Variants in WTIP observed in about 807,000 individuals in gnomAD.
WTIP encodes WT1 interacting protein, also known as Wilms tumor protein 1-interacting protein.
Under a neutral mutation model 41.7 loss-of-function variants are expected in WTIP, and 23 were observed. The ratio of observed to expected loss-of-function variants is 0.55; its 90% confidence interval spans 0.40 to 0.78. The LOEUF (loss-of-function observed/expected upper bound fraction) is 0.78. WTIP is among the 30% of genes least tolerant of loss of function. The pLI is 0.00. For synonymous variants in WTIP, 314 were observed against 269.9 expected (o/e 1.16, Z -1.60); for missense variants, 619 against 610.5 (o/e 1.01, Z -0.15).
chr19:34,485,296 T>C (rs1245076478), intron 1 of WTIP, among the ~76,000 whole-genome samples: 1 of 152,162 alleles, frequency 6.6e-6, no homozygotes, highest in Non-Finnish European at 1.5e-5. Context: ...TTGGCCAGGC[T>C]TGTCTCGAGT....
Position 34,495,659 on chromosome 19 carries a change from G to A in WTIP, c.1084-44G>A, listed in dbSNP as rs543389557. 7.5e-6 allele frequency: 12 copies of A among 1,610,312 alleles called. No individual in the cohort carries two copies. The Admixed American group carries it at 1.0e-4, about 13-fold the overall frequency. ...TGTACACTCACGCAGTTTGCCTCCAGTCCCCACATGCTCATCGTGTGTGAA... is the reference window on the plus strand; with the variant it reads ...TGTACACTCACGCAGTTTGCCTCCAATCCCCACATGCTCATCGTGTGTGAA... On this transcript the variant is annotated intron_variant, in intron 6 of 7. Transcript: ENST00000590071.
At chr19:34,483,330 TTTC>T (rs1430254999) in intron 1 of WTIP, among the ~76,000 whole-genome samples, 2 of 152,060 alleles carry the variant, frequency 1.3e-5, no homozygotes, top group African/African-American at 4.8e-5. Flanking sequence ...GGCCTGATCT[TTTC>T]TTCTTTGCGT....
In WTIP at chr19:34,497,332, T is replaced by C. The variant is rs866533067; in HGVS notation, c.1152+1561T>C. ...TCCCCTCTCTGAGAGATGATGGGCC[T>C]CCCTGGTCTGTTGTCCGGGGTCTGA... On this transcript the variant is annotated intron_variant, in intron 7 of 7. Transcript: ENST00000590071. 2.0e-5 allele frequency among the ~76,000 whole-genome samples: 3 copies of C among 152,156 alleles called. No individual in the cohort carries two copies. The South Asian group carries it at 6.2e-4, about 32-fold the overall frequency.
chr19:34,500,098 C>A, intron 7 of WTIP, 31 bp from the exon 8 acceptor site: 1 of 1,595,910 alleles, frequency 6.3e-7, no homozygotes. Context: ...TGTCTGCTGA[C>A]TCTGGGGCTG....
intron 1 of WTIP, among the ~76,000 whole-genome samples, chr19:34,484,950 A>AG (rs2075790116): frequency 6.6e-6 from 1 of 151,738 alleles, no homozygotes; most frequent in African/African-American, 2.4e-5. Context: ...AAAAAAAAAA[A>AG]AAAAAGCTGC....
intron 1 of WTIP, among the ~76,000 whole-genome samples, chr19:34,487,209 A>G (rs531580776): frequency 2.4e-4 from 36 of 148,764 alleles, no homozygotes; most frequent in Non-Finnish European, 2.8e-4. Flanking sequence ...GATGCAAGCG[A>G]TTCTCCCACC....
In WTIP at chr19:34,501,132, A is replaced by G. The variant is rs1386880743; in HGVS notation, c.*863A>G. 2.6e-5 allele frequency: 4 copies of G among 152,682 alleles called. No individual in the cohort carries two copies. The highest frequency in any genetic ancestry group is 2.9e-5 in the Non-Finnish European group (2 of 68,046). The allele number at this position is 152,682 out of a possible 1,614,324, so 9.5% of individuals were successfully genotyped here. ...CTTAAATTAAGTTTTTCCCTTGAGG[A>G]TATTTTCATTTTCTTTAAAAGAATA... On this transcript the variant is annotated 3_prime_UTR_variant, in exon 8 of 8. Coordinates refer to ENST00000590071, the MANE Select transcript of WTIP (RefSeq NM_001080436.2).
Position 34,482,465 on chromosome 19 carries a change from C to G in WTIP, c.491C>G (p.Ala164Gly). Reference sequence around the variant, plus strand: ...TACGCTGACTTCCTCCCGCCCGGCGCCTGCCCCGCGCCCGCTCGCTCCCCG... The same window carrying G: ...TACGCTGACTTCCTCCCGCCCGGCGGCTGCCCCGCGCCCGCTCGCTCCCCG... Reference protein sequence around the residue: ...GAYADFLPPGACPAPARSPEP... With the variant: ...GAYADFLPPGGCPAPARSPEP... The change falls in exon 1 of 8, where the codon GCC becomes GGC. Residue 164 changes from alanine (A) to glycine (G), a missense_variant. Around this residue, in one of 3 missense-constraint regions of WTIP, gnomAD observed 363 missense variants for 309.0 expected, o/e 1.17. Coordinates refer to ENST00000590071, the MANE Select transcript of WTIP (RefSeq NM_001080436.2). The G allele has an allele frequency of 7.9e-7, 1 of 1,263,758 alleles. No individual in the cohort carries two copies. 78.3% of individuals were successfully genotyped at this position (1,263,758 alleles called of 1,614,324 possible). A position where few individuals can be genotyped will look rare whatever the true frequency, so the allele number is the denominator to read the frequency against.
Position 34,482,539 on chromosome 19 carries a change from C to A in WTIP, c.565C>A (p.Pro189Thr). ...CCCGCTGCCTGCACTCCCGCTGCCC[C>A]CTGGCCGGGAGGGCGGCCCAAGCGC... Reference protein sequence around the residue: ...PFPLPALPLPPGREGGPSAAE... With the variant: ...PFPLPALPLPTGREGGPSAAE... Residue 189 changes from proline (P) to threonine (T), a missense_variant, in exon 1 of 8, where the codon CCT (proline) becomes ACT (threonine). Around this residue, in one of 3 missense-constraint regions of WTIP, gnomAD observed 363 missense variants for 309.0 expected, o/e 1.17. Coordinates refer to ENST00000590071, the MANE Select transcript of WTIP (RefSeq NM_001080436.2). 1 of 1,228,536 alleles carries A rather than the reference C, an allele frequency of 8.1e-7. No individual in the cohort carries two copies. The highest frequency in any genetic ancestry group is 1.0e-6 in the Non-Finnish European group (1 of 986,886). 76.1% of individuals were successfully genotyped at this position (1,228,536 alleles called of 1,614,324 possible). A position where few individuals can be genotyped will look rare whatever the true frequency, so the allele number is the denominator to read the frequency against.
In WTIP at chr19:34,504,232, C is replaced by CAG. The variant is rs35854681; in HGVS notation, c.*3972_*3973dup. Reference sequence around the variant, plus strand: ...AAAGATACGGAGACAGGATAAGCTGCAGAGAGAGAGGGAGAGAGGGATTGA... The same window carrying CAG: ...AAAGATACGGAGACAGGATAAGCTGCAGAGAGAGAGAGGGAGAGAGGGATTGA... On this transcript the variant is annotated 3_prime_UTR_variant, in exon 8 of 8. Coordinates refer to ENST00000590071, the MANE Select transcript of WTIP (RefSeq NM_001080436.2). The CAG allele has an allele frequency of 0.43, 65,307 of 150,496 alleles. 17,540 individuals carry two copies. The highest frequency in any genetic ancestry group is 0.75 in the African/African-American group (30,620 of 40,692). 9.3% of individuals were successfully genotyped at this position (150,496 alleles called of 1,614,324 possible).
chr19:34,493,540 T>C lies in WTIP; in HGVS notation c.949T>C (p.Ser317Pro). ...KSYHPGCFRC[S>P]VCNECLDGVP... The stretch of plus-strand genomic sequence containing the variant: ...CTACCACCCAGGCTGCTTCCGGTGC[T>C]CCGTGTGCAATGAGTGCCTGGACGG... The change falls in exon 5 of 8, where the codon TCC becomes CCC. Residue 317 changes from serine (S) to proline (P), a missense_variant. Physicochemically the swap from Ser to Pro is moderately conservative, Grantham distance 74 (BLOSUM62 -1). Transcript: ENST00000590071. The surrounding 1 kb of genome is among the most constrained non-coding windows in gnomAD (Gnocchi z 4.1). 6.2e-7 allele frequency: 1 copy of C among 1,613,700 alleles called. No individual in the cohort carries two copies. The highest frequency in any genetic ancestry group is 8.5e-7 in the Non-Finnish European group (1 of 1,179,878).
At position 34,510,049 on chromosome 19, in the gene WTIP, A is replaced by G. The variant is rs1240368459; in HGVS notation, c.*9780A>G. ...TGCGGCTTTTCCAGGCACCTTGTAC[A>G]AGCTGTCAGTGTATCTACCATTCTG... On this transcript the variant is annotated 3_prime_UTR_variant, in exon 8 of 8. Transcript: ENST00000590071. 2.6e-5 allele frequency: 4 copies of G among 152,164 alleles called. No individual in the cohort carries two copies. Among genetic ancestry groups the G allele is most frequent in the East Asian group, 3.9e-4 (2 of 5,192 alleles). The allele number at this position is 152,164 out of a possible 1,614,324, so 9.4% of individuals were successfully genotyped here.
intron 7 of WTIP, 114 bp from the exon 8 acceptor site, chr19:34,500,012 ATGT>A (rs1421985495): frequency 1.4e-6 from 2 of 1,422,576 alleles, no homozygotes; most frequent in Non-Finnish European, 1.9e-6. Flanking sequence ...AAGAGTCTTC[ATGT>A]TGTTTTGCGG....
rs2075771510 is a variant in WTIP at position 34,482,288 on chromosome 19, C to A, written c.314C>A (p.Ala105Asp). The A allele has an allele frequency of 7.5e-7, 1 of 1,340,070 alleles. No homozygotes were observed. Among genetic ancestry groups the A allele is most frequent in the Admixed American group, 2.9e-5 (1 of 34,024 alleles). 83.0% of individuals were successfully genotyped at this position (1,340,070 alleles called of 1,614,324 possible). A position where few individuals can be genotyped will look rare whatever the true frequency, so the allele number is the denominator to read the frequency against. The change falls in exon 1 of 8, where the codon GCC (alanine) becomes GAC (aspartate). Residue 105 changes from alanine to aspartate, a missense_variant. Transcript: ENST00000590071. ...GSDGGGGGGSARSSGISLGYD... is the reference protein window; with the variant it reads ...GSDGGGGGGSDRSSGISLGYD... ...GACGGCGGCGGCGGTGGCGGCAGCG[C>A]CCGATCCAGCGGCATCAGCCTGGGC...
At chr19:34,499,516 A>G (rs2075872944) in intron 7 of WTIP, among the ~76,000 whole-genome samples, 1 of 152,104 alleles carries the variant, frequency 6.6e-6, no homozygotes, top group Non-Finnish European at 1.5e-5. Context: ...TCAAACAACA[A>G]CAAACGAATA....
chr19:34,492,072 G>A (rs1025164238), intron 2 of WTIP, among the ~76,000 whole-genome samples: 2 of 148,166 alleles, frequency 1.3e-5, no homozygotes, highest in Non-Finnish European at 3.0e-5. Context: ...TTCCTATAGT[G>A]CATACTCTTT....
chr19:34,483,006 C>CTTTTTTTTTTTTTTTTTTTT (rs1307348148), intron 1 of WTIP, among the ~76,000 whole-genome samples: 2 of 123,034 alleles, frequency 1.6e-5, no homozygotes, highest in African/African-American at 3.1e-5. Context: ...TTTCTTTCTT[C>CTTTTTTTTTTTTTTTTTTTT]TTTTTTTTTT....
At position 34,482,032 on chromosome 19, in the gene WTIP, C is replaced by T. The variant is rs1599948995; in HGVS notation, c.58C>T (p.Leu20=). ...EAALLLAGLA[L]RELEPGCGSP... ...GGCCCTACTCCTGGCCGGGCTGGCC[C>T]TGCGGGAGCTGGAGCCCGGGTGCGG... Residue 20 remains leucine (L), a synonymous_variant, in exon 1 of 8, where the codon CTG becomes TTG. Coordinates refer to ENST00000590071, the MANE Select transcript of WTIP (RefSeq NM_001080436.2). 21 of 1,027,630 alleles carry T rather than the reference C, an allele frequency of 2.0e-5. No homozygotes were observed. Among genetic ancestry groups the T allele is most frequent in the African/African-American group, 3.5e-5 (2 of 57,868 alleles). 63.7% of individuals were successfully genotyped at this position (1,027,630 alleles called of 1,614,324 possible). A position where few individuals can be genotyped will look rare whatever the true frequency, so the allele number is the denominator to read the frequency against.
rs943764592 is a variant in WTIP, at chr19:34,482,227, C to T, written c.253C>T (p.Pro85Ser). The change falls in exon 1 of 8, where the codon CCT (proline) becomes TCT (serine). Residue 85 changes from proline (P) to serine (S), a missense_variant. Physicochemically the swap from Pro to Ser is moderately conservative, Grantham distance 74 (BLOSUM62 -1). This residue lies in a region of WTIP where 363 missense variants were observed against 309.0 expected (regional missense o/e 1.17). Transcript: ENST00000590071. ...GGCGGTTCCGGAGCTCAGCGCGCAG[C>T]CTGCGGGCAGCCCACGGGCCAGCCT... Reference protein sequence around the residue: ...RAAVPELSAQPAGSPRASLAG... With the variant: ...RAAVPELSAQSAGSPRASLAG... 1.2e-5 allele frequency: 14 copies of T among 1,170,986 alleles called. No individual in the cohort carries two copies. The African/African-American group carries it at 2.3e-4, about 19-fold the overall frequency. The allele number at this position is 1,170,986 out of a possible 1,614,324, so 72.5% of individuals were successfully genotyped here. A position where few individuals can be genotyped will look rare whatever the true frequency, so the allele number is the denominator to read the frequency against.
Sources: gnomAD v4.1 joint callset for allele counts (sites outside exome capture counted in the v4.1 genomes callset) on GRCh38, gnomAD v4.1.1 for gene constraint, gnomAD v4.1.1 regional missense constraint, Gnocchi (gnomAD v3.1) non-coding constraint, MANE v1.5 for transcripts, NCBI Gene and HGNC (gene_info 2026-07-23, HGNC 2026-07-21) for gene names.